The following NAV1 variants were observed in gnomAD, a reference collection of about 807,000 sequenced individuals.
The protein encoded by NAV1 is neuron navigator 1.
NAV1 carries 18 observed loss-of-function variants against 175.2 expected under a neutral mutation model. That is an observed-to-expected ratio of 0.10 (90% CI 0.07 to 0.15). The LOEUF is 0.15. Ranked by LOEUF, NAV1 falls within the 10% of genes least tolerant of loss-of-function variation. The probability of loss-of-function intolerance (pLI) is 1.00; values close to 1 mark genes in which losing one functional copy is unlikely to be tolerated. For missense variants in NAV1, 1,731 were observed against 2,436.6 expected, an observed-to-expected ratio of 0.71 and a Z score of 6.10; for synonymous variants, 897 against 978.7, an observed-to-expected ratio of 0.92 and a Z score of 1.56.
At chr1:201,564,237 G>A (rs761439782) in intron 1 of NAV1, among the ~76,000 whole-genome samples, 11 of 152,080 alleles carry the variant, frequency 7.2e-5, no homozygotes, top group Non-Finnish European at 1.2e-4. Flanking sequence ...GTTTGTAGGT[G>A]TGAAAGGAAT....
chr1:201,605,358 GA>G (rs1226951701), intron 2 of NAV1, among the ~76,000 whole-genome samples: 2 of 151,556 alleles, frequency 1.3e-5, no homozygotes, highest in Non-Finnish European at 2.9e-5. Flanking sequence ...CCAAAAGAGA[GA>G]AAAAAAAGTT....
At chr1:201,626,585 A>G (rs1213796413) in intron 1 of NAV1, among the ~76,000 whole-genome samples, 1 of 152,072 alleles carries the variant, frequency 6.6e-6, no homozygotes, top group Non-Finnish European at 1.5e-5. Context: ...ATCTAATTCC[A>G]TCACATCCTC....
intron 3 of NAV1, among the ~76,000 whole-genome samples, chr1:201,778,001 G>A (rs1230136219): frequency 6.6e-6 from 1 of 152,112 alleles, no homozygotes; most frequent in East Asian, 1.9e-4. Flanking sequence ...AGCATCTCCA[G>A]TGGAGATGCT....
chr1:201,771,298 G>A (rs1475649914), intron 3 of NAV1, among the ~76,000 whole-genome samples: 1 of 150,714 alleles, frequency 6.6e-6, no homozygotes, highest in Non-Finnish European at 1.5e-5. Context: ...GTCACCTGAG[G>A]TCAGGAGTTC....
intron 2 of NAV1, among the ~76,000 whole-genome samples, chr1:201,631,056 G>A (rs555203960): frequency 6.6e-6 from 1 of 152,302 alleles, no homozygotes; most frequent in South Asian, 2.1e-4. Flanking sequence ...GCTAGATCAC[G>A]GTTGGGTACC....
intron 2 of NAV1, among the ~76,000 whole-genome samples, chr1:201,591,296 G>C (rs113887793): frequency 6.6e-6 from 1 of 152,192 alleles, no homozygotes; most frequent in Admixed American, 6.5e-5. Flanking sequence ...CGAGGCAAGG[G>C]AGGGAGGCTG....
At chr1:201,692,498 G>C (rs1386701231) in intron 1 of NAV1, among the ~76,000 whole-genome samples, 1 of 152,208 alleles carries the variant, frequency 6.6e-6, no homozygotes, top group Non-Finnish European at 1.5e-5. Context: ...TTGGTAACAG[G>C]AGTTTGTAAT....
chr1:201,640,013 T>C (rs771674486), intron 2 of NAV1, among the ~76,000 whole-genome samples: 33 of 152,256 alleles, frequency 2.2e-4, no homozygotes, highest in African/African-American at 7.9e-4. Context: ...TAGCTTAGAA[T>C]TTCTCGGCAT....
intron 1 of NAV1, among the ~76,000 whole-genome samples, chr1:201,711,876 A>G (rs553263985): frequency 2.6e-5 from 4 of 152,368 alleles, no homozygotes; most frequent in African/African-American, 2.4e-5. Flanking sequence ...AAGGAAGAAC[A>G]TTCTTTGAGT....
At position 201,539,770 on chromosome 1, in the gene NAV1, C is replaced by G. The variant is rs1486845121; in HGVS notation, c.-144+428C>G. ...ACACCCTACCCGCACCTCTGCCTTT[C>G]GTTGAAGCAAGAGTTAACTCCTCCC... On this transcript the variant is annotated intron_variant, in intron 1 of 33. Transcript: ENST00000685211. This position sits in a 1 kb window ranked among gnomAD's most constrained non-coding sequence, Gnocchi z 5.6. Among the ~76,000 whole-genome samples, 1 of 152,202 alleles carries G rather than the reference C, an allele frequency of 6.6e-6. No homozygotes were observed. Among genetic ancestry groups the G allele is most frequent in the Non-Finnish European group, 1.5e-5 (1 of 68,022 alleles).
chr1:201,711,501 T>TA (rs778116986), intron 1 of NAV1, among the ~76,000 whole-genome samples: 8 of 151,980 alleles, frequency 5.3e-5, no homozygotes, highest in Non-Finnish European at 7.4e-5. Flanking sequence ...CTTTGGCAGC[T>TA]AAAAAAAACC....
chr1:201,649,289 G>A, exon 1 of NAV1: 2 of 1,613,148 alleles, frequency 1.2e-6, no homozygotes, highest in Non-Finnish European at 1.7e-6. Flanking sequence ...TCTCCAGCAA[G>A]GCCAAGGCGC....
Position 201,695,761 on chromosome 1 carries a change from T to C in NAV1, c.758-17056T>C, listed in dbSNP as rs564799312. Among the ~76,000 whole-genome samples the C allele has an allele frequency of 2.2e-3, 331 of 152,288 alleles. 4 individuals are homozygous for C. Among genetic ancestry groups the C allele is most frequent in the East Asian group, 0.011 (57 of 5,168 alleles). On this transcript the variant is annotated intron_variant, in intron 1 of 29. Coordinates refer to ENST00000367296, the Ensembl canonical transcript of NAV1. ...TGACCTCCACTCCATTGCCTCTTCTTGTACCTTCCTGGTCTCACTTTGATA... is the reference window on the plus strand; with the variant it reads ...TGACCTCCACTCCATTGCCTCTTCTCGTACCTTCCTGGTCTCACTTTGATA...
At chr1:201,692,097 C>T (rs1041417815) in intron 1 of NAV1, among the ~76,000 whole-genome samples, 10 of 152,354 alleles carry the variant, frequency 6.6e-5, no homozygotes, top group Middle Eastern at 3.4e-3. Context: ...GCTGAGTTCT[C>T]GTCTCCCTGC....
chr1:201,746,609 A>G (rs755360428), intron 3 of NAV1, among the ~76,000 whole-genome samples: 7 of 152,244 alleles, frequency 4.6e-5, no homozygotes, highest in Admixed American at 2.0e-4. Context: ...CAAGTCAGAA[A>G]TGTAAGGGAA....
chr1:201,717,309 T>C (rs1427904097), intron 2 of NAV1, among the ~76,000 whole-genome samples: 1 of 152,216 alleles, frequency 6.6e-6, no homozygotes, highest in East Asian at 1.9e-4. Context: ...CCCAGCTTTC[T>C]TGGCCACCAA....
chr1:201,687,619 T>C lies in NAV1; in HGVS notation c.758-25198T>C, dbSNP rs527912816. On this transcript the variant is annotated intron_variant, in intron 1 of 29. Coordinates refer to ENST00000367296, the Ensembl canonical transcript of NAV1. ...ACAGGTGGAAAAAAAATGAGACTTT[T>C]GAACATAAAGACTCTTAGTTAAGTT... is the stretch of plus-strand genomic sequence containing the variant. Among the ~76,000 whole-genome samples, 68 of 152,364 alleles carry C rather than the reference T, an allele frequency of 4.5e-4. No homozygotes were observed. The South Asian group carries it at 0.014, about 31-fold the overall frequency.
intron 3 of NAV1, among the ~76,000 whole-genome samples, chr1:201,756,812 C>CTTTCTTTCTTTCTT (rs879805754): frequency 0.41 from 3,073 of 7,446 alleles, 205 homozygotes; most frequent in Non-Finnish European, 0.49. Flanking sequence ...TTCTTTCCTT[C>CTTTCTTTCTTTCTT]TTTCTTTCTT....
At chr1:201,708,215 T>C (rs565132555) in intron 1 of NAV1, among the ~76,000 whole-genome samples, 3 of 152,196 alleles carry the variant, frequency 2.0e-5, no homozygotes, top group African/African-American at 7.2e-5. Flanking sequence ...CTGCTGTTTG[T>C]GGTAACTGTG....
Sources: allele counts gnomAD v4.1 joint callset (sites outside exome capture counted in the v4.1 genomes callset), GRCh38; gene constraint gnomAD v4.1.1; non-coding constraint Gnocchi (gnomAD v3.1); transcripts MANE v1.5; gene names NCBI Gene and HGNC (gene_info 2026-07-23, HGNC 2026-07-21).